Variants in POLA1 observed in about 807,000 individuals in gnomAD.
The protein encoded by POLA1 is DNA polymerase alpha catalytic subunit.
A neutral mutation model predicts 124.0 loss-of-function variants in POLA1; 15 were observed. That is an observed-to-expected ratio of 0.12 (90% CI 0.08 to 0.19). The LOEUF (loss-of-function observed/expected upper bound fraction) is 0.19, where lower values mean the gene tolerates loss of function less well. Ranked by LOEUF, POLA1 falls within the 10% of genes least tolerant of loss-of-function variation. The pLI is 1.00. For synonymous variants in POLA1, 408 were observed against 389.4 expected (o/e 1.05, Z -0.56); for missense variants, 886 against 1,103.4 (o/e 0.80, Z 2.79).
intron 36 of POLA1, among the ~76,000 whole-genome samples, chrX:24,949,815 A>C (rs111702345): frequency 0.012 from 1,239 of 104,792 alleles, 17 homozygotes; most frequent in African/African-American, 0.042. Flanking sequence ...GCTCACTGCA[A>C]CCTCCACCTC....
rs188009609 is a variant in POLA1, at chrX:24,890,213, G to A, written c.4164+2091G>A. ...AGCAATTCTCCTGCCTTCGCCTCCCGAGTAGCTGGGACTACAGGCGCGTGC... is the reference window on the plus strand; with the variant it reads ...AGCAATTCTCCTGCCTTCGCCTCCCAAGTAGCTGGGACTACAGGCGCGTGC... On this transcript the variant is annotated intron_variant, in intron 35 of 36. Transcript: ENST00000379068. Among the ~76,000 whole-genome samples the A allele has an allele frequency of 5.9e-4, 64 of 109,044 alleles. 2 individuals are homozygous for A. In the East Asian group the frequency reaches 8.4e-3, roughly 14 times the overall value. The allele number at this position is 109,044 out of a possible 115,157, so 94.7% of individuals were successfully genotyped here.
At chrX:24,931,076 G>A (rs781169492) in intron 36 of POLA1, among the ~76,000 whole-genome samples, 2 of 111,049 alleles carry the variant, frequency 1.8e-5, no homozygotes, top group Middle Eastern at 4.2e-3. Flanking sequence ...AGCACTCGGC[G>A]TTTCCTTATA....
intron 7 of POLA1, 70 bp downstream of exon 7, chrX:24,716,524 G>C (rs188095864): frequency 1.7e-6 from 1 of 581,192 alleles, no homozygotes; most frequent in East Asian, 3.4e-5. Context: ...TTGCTTTTCT[G>C]TATGAGGGAA....
intron 24 of POLA1, 67 bp downstream of exon 24, chrX:24,745,609 G>A (rs1931956778): frequency 2.7e-6 from 2 of 741,485 alleles, no homozygotes; most frequent in African/African-American, 2.1e-5. Flanking sequence ...GAAGATCTGT[G>A]TCTTTTTAAA....
chrX:24,748,135 A>T (rs756931167), intron 24 of POLA1, among the ~76,000 whole-genome samples, 176 bp from the exon 25 acceptor site: 1 of 112,565 alleles, frequency 8.9e-6, no homozygotes, highest in African/African-American at 3.2e-5. Flanking sequence ...GAGGGCAATC[A>T]TGACCTGTTC....
intron 35 of POLA1, among the ~76,000 whole-genome samples, chrX:24,891,879 C>G (rs893521484): frequency 9.0e-6 from 1 of 111,655 alleles, no homozygotes; most frequent in African/African-American, 3.3e-5. Context: ...ATTCCTAGTG[C>G]TAGACTAGTG....
intron 26 of POLA1, among the ~76,000 whole-genome samples, chrX:24,793,029 C>T (rs2045533864): frequency 9.0e-6 from 1 of 110,620 alleles, no homozygotes; most frequent in South Asian, 3.9e-4. Context: ...GTAATCCCAG[C>T]ACTTTGGGAG....
At chrX:24,905,093 C>T (rs2047344673) in intron 35 of POLA1, among the ~76,000 whole-genome samples, 1 of 107,215 alleles carries the variant, frequency 9.3e-6, no homozygotes, top group Admixed American at 1.0e-4. Context: ...TAATCCTAAT[C>T]AACATACCAA....
intron 36 of POLA1, among the ~76,000 whole-genome samples, chrX:24,966,203 A>G (rs1223585171): frequency 8.9e-6 from 1 of 112,181 alleles, no homozygotes; most frequent in Non-Finnish European, 1.9e-5. Flanking sequence ...TACATATTAG[A>G]CTTTAACTCT....
At chrX:24,818,905 G>C (rs2046038922) in intron 30 of POLA1, among the ~76,000 whole-genome samples, 1 of 112,014 alleles carries the variant, frequency 8.9e-6, no homozygotes, top group Non-Finnish European at 1.9e-5. Flanking sequence ...ATGGAGTATA[G>C]GAAGAAATCC....
intron 34 of POLA1, among the ~76,000 whole-genome samples, chrX:24,848,097 G>A (rs1310236958): frequency 1.8e-5 from 2 of 111,967 alleles, no homozygotes; most frequent in African/African-American, 6.5e-5. Flanking sequence ...ATAGCACCTA[G>A]CCTAAATGTA....
chrX:24,712,106 G>A (rs1274668076), intron 4 of POLA1, among the ~76,000 whole-genome samples: 1 of 111,376 alleles, frequency 9.0e-6, no homozygotes, highest in Admixed American at 9.5e-5. Context: ...TTGTTTTTGA[G>A]ACTGAGTCTC....
chrX:24,870,005 G>T (rs2147111564), intron 34 of POLA1, among the ~76,000 whole-genome samples: 1 of 112,129 alleles, frequency 8.9e-6, no homozygotes, highest in East Asian at 2.8e-4. Flanking sequence ...CCTTTTGAAG[G>T]TTTTTCACTT....
At chrX:24,697,163 C>T (rs1928066270) in intron 1 of POLA1, among the ~76,000 whole-genome samples, 1 of 111,409 alleles carries the variant, frequency 9.0e-6, no homozygotes, top group Non-Finnish European at 1.9e-5. Context: ...ACAGGCAGCT[C>T]TGTCTTATTT....
chrX:24,786,731 A>G (rs1255198737), intron 26 of POLA1, among the ~76,000 whole-genome samples: 2 of 81,034 alleles, frequency 2.5e-5, no homozygotes, highest in South Asian at 7.1e-4. Context: ...CCTCTGGCCC[A>G]GGCTGGAGTA....
chrX:24,785,065 G>A (rs769234320), intron 26 of POLA1, among the ~76,000 whole-genome samples: 1 of 112,472 alleles, frequency 8.9e-6, no homozygotes, highest in South Asian at 3.7e-4. Flanking sequence ...TCTCTCAAAT[G>A]TATAGCTGAT....
At chrX:24,973,646 A>G (rs2048330104) in intron 36 of POLA1, among the ~76,000 whole-genome samples, 1 of 111,817 alleles carries the variant, frequency 8.9e-6, no homozygotes, top group South Asian at 3.8e-4. Flanking sequence ...CCTGAAATGT[A>G]GTTATTCTCC....
intron 1 of POLA1, among the ~76,000 whole-genome samples, chrX:24,695,756 G>A (rs865952129): frequency 1.8e-5 from 2 of 112,062 alleles, no homozygotes; most frequent in African/African-American, 6.5e-5. Flanking sequence ...GAGATTACAG[G>A]CATGAGCCAC....
intron 26 of POLA1, among the ~76,000 whole-genome samples, chrX:24,762,776 C>T (rs961050453): frequency 6.4e-5 from 7 of 109,623 alleles, no homozygotes; most frequent in African/African-American, 2.3e-4. Context: ...CTCGCTCTGT[C>T]GCCCAGGCTG....
Sources: allele counts gnomAD v4.1 joint callset (sites outside exome capture counted in the v4.1 genomes callset), GRCh38; gene constraint gnomAD v4.1.1; transcripts MANE v1.5; gene names NCBI Gene and HGNC (gene_info 2026-07-23, HGNC 2026-07-21).